The following FRYL variants were observed in gnomAD, a reference collection of about 807,000 sequenced individuals.
FRYL encodes the protein FRY like transcription coactivator, also known as protein furry homolog-like.
FRYL carries 150 observed loss-of-function variants against 351.2 expected under a neutral mutation model. The observed-to-expected ratio is 0.43, with a 90% confidence interval of 0.37 to 0.49. The LOEUF (loss-of-function observed/expected upper bound fraction) is 0.49, where lower values mean the gene tolerates loss of function less well. FRYL is among the 20% of genes least tolerant of loss of function. The pLI is 0.00. For synonymous variants in FRYL, 1,153 were observed against 1,257.1 expected (o/e 0.92, Z 1.75); for missense variants, 3,036 against 3,619.3 (o/e 0.84, Z 4.13).
At chr4:48,759,855 A>G (rs1184736252) in intron 1 of FRYL, among the ~76,000 whole-genome samples, 1 of 152,154 alleles carries the variant, frequency 6.6e-6, no homozygotes, top group East Asian at 1.9e-4. Context: ...TCAGCTGATT[A>G]GCAACTTCAA....
intron 61 of FRYL, among the ~76,000 whole-genome samples, 180 bp downstream of exon 61, chr4:48,502,648 A>G (rs535269953): frequency 1.3e-5 from 2 of 152,324 alleles, no homozygotes; most frequent in East Asian, 3.9e-4. Flanking sequence ...GTATTTTAAC[A>G]TCTCACTATT....
intron 1 of FRYL, among the ~76,000 whole-genome samples, chr4:48,713,728 C>G (rs372442338): frequency 6.6e-6 from 1 of 151,944 alleles, no homozygotes; most frequent in African/African-American, 2.4e-5. Flanking sequence ...AGAAAGTTAA[C>G]AAGGAAACCC....
At chr4:48,609,668 TGATCA>T (rs1264041676) in intron 8 of FRYL, 71 bp downstream of exon 8, 2 of 638,820 alleles carry the variant, frequency 3.1e-6, no homozygotes, top group African/African-American at 3.9e-5. Context: ...CTCAAACAAA[TGATCA>T]GTAAGACTTA....
intron 56 of FRYL, among the ~76,000 whole-genome samples, chr4:48,513,660 G>A (rs1196037028): frequency 6.6e-6 from 1 of 152,182 alleles, no homozygotes; most frequent in Non-Finnish European, 1.5e-5. Context: ...AATGCATGGA[G>A]GGACCCGAGT....
At chr4:48,612,100 A>G (rs1173416799) in intron 7 of FRYL, among the ~76,000 whole-genome samples, 2 of 152,168 alleles carry the variant, frequency 1.3e-5, no homozygotes, top group African/African-American at 4.8e-5. Flanking sequence ...ACATTCCATT[A>G]GTTTTCTGCA....
chr4:48,712,769 C>T (rs996842338), intron 1 of FRYL, among the ~76,000 whole-genome samples: 8 of 152,050 alleles, frequency 5.3e-5, no homozygotes, highest in Non-Finnish European at 8.8e-5. Context: ...CTCCAAGACA[C>T]ATAATTGTCA....
At chr4:48,767,682 T>C (rs1775107960) in intron 1 of FRYL, among the ~76,000 whole-genome samples, 1 of 152,136 alleles carries the variant, frequency 6.6e-6, no homozygotes, top group Non-Finnish European at 1.5e-5. Flanking sequence ...AAGGGGAATA[T>C]TGGTGAAACG....
intron 16 of FRYL, 37 bp downstream of exon 16, chr4:48,593,893 T>A: frequency 1.0e-6 from 1 of 981,012 alleles, no homozygotes; most frequent in Non-Finnish European, 1.4e-6. Context: ...AAAAAAAAAA[T>A]CTAGGATTTT....
chr4:48,770,272 T>TA (rs1007999242), intron 1 of FRYL, among the ~76,000 whole-genome samples: 19 of 151,088 alleles, frequency 1.3e-4, no homozygotes, highest in African/African-American at 4.1e-4. Context: ...CTTCAAAATT[T>TA]AAAAAAAAAT....
At chr4:48,632,846 G>A (rs1753511321) in intron 4 of FRYL, among the ~76,000 whole-genome samples, 1 of 152,084 alleles carries the variant, frequency 6.6e-6, no homozygotes, top group Non-Finnish European at 1.5e-5. Context: ...TAAGAGCATT[G>A]ACAATACTTC....
intron 4 of FRYL, among the ~76,000 whole-genome samples, chr4:48,633,220 G>A (rs985529904): frequency 2.0e-5 from 3 of 152,114 alleles, no homozygotes; most frequent in Non-Finnish European, 4.4e-5. Context: ...GTTACTTCCT[G>A]TAATTATATC....
chr4:48,657,291 C>T (rs564027413), intron 3 of FRYL, among the ~76,000 whole-genome samples: 3 of 151,696 alleles, frequency 2.0e-5, no homozygotes, highest in East Asian at 3.9e-4. Flanking sequence ...CCACCTCAGC[C>T]TTTCAAGCAG....
At chr4:48,568,325 T>C (rs1185533888) in intron 27 of FRYL, among the ~76,000 whole-genome samples, 1 of 152,208 alleles carries the variant, frequency 6.6e-6, no homozygotes, top group Non-Finnish European at 1.5e-5. Context: ...AACCACTGAC[T>C]GACTGATGGA....
intron 7 of FRYL, among the ~76,000 whole-genome samples, chr4:48,612,374 C>A (rs1352522647): frequency 6.6e-6 from 1 of 152,056 alleles, no homozygotes; most frequent in Non-Finnish European, 1.5e-5. Flanking sequence ...GCGCTAAATC[C>A]AAGAAGGCAG....
chr4:48,665,436 T>G (rs1761535208), intron 3 of FRYL, among the ~76,000 whole-genome samples: 1 of 152,204 alleles, frequency 6.6e-6, no homozygotes, highest in Admixed American at 6.5e-5. Flanking sequence ...TTTAATTACT[T>G]GAAACAACAG....
rs542200651 is a variant in FRYL, at chr4:48,770,514, C to T, written c.-384+9564G>A. On this transcript the variant is annotated intron_variant, in intron 1 of 63. Transcript: ENST00000358350. Reference sequence around the variant, plus strand: ...GTGCAATGGTGCAATCTCGGCTCACCGCAACCTCCGCCTCCCGGATTCAAG... The same window carrying T: ...GTGCAATGGTGCAATCTCGGCTCACTGCAACCTCCGCCTCCCGGATTCAAG... Among the ~76,000 whole-genome samples, 42 of 151,936 alleles carry T rather than the reference C, an allele frequency of 2.8e-4. 1 individual carries two copies. In the South Asian group the frequency reaches 6.2e-3, roughly 23 times the overall value.
At chr4:48,624,125 A>G (rs1751284569) in intron 4 of FRYL, among the ~76,000 whole-genome samples, 1 of 152,184 alleles carries the variant, frequency 6.6e-6, no homozygotes, top group Non-Finnish European at 1.5e-5. Context: ...TTCAGGAGGT[A>G]ACCTTCCAGT....
At chr4:48,750,223 G>A (rs1313655670) in intron 1 of FRYL, among the ~76,000 whole-genome samples, 1 of 151,914 alleles carries the variant, frequency 6.6e-6, no homozygotes, top group African/African-American at 2.4e-5. Context: ...CACTCTGGGA[G>A]GCCGAGGCGA....
At chr4:48,686,906 G>A (rs898714438) in intron 2 of FRYL, among the ~76,000 whole-genome samples, 3 of 152,068 alleles carry the variant, frequency 2.0e-5, no homozygotes, top group African/African-American at 4.8e-5. Flanking sequence ...TGCTATTTTC[G>A]ACTTTTCGCT....
Sources: gnomAD v4.1 joint callset for allele counts (sites outside exome capture counted in the v4.1 genomes callset) on GRCh38, gnomAD v4.1.1 for gene constraint, MANE v1.5 for transcripts, NCBI Gene and HGNC (gene_info 2026-07-23, HGNC 2026-07-21) for gene names.